Variants in RIMS1 observed in about 807,000 individuals in gnomAD.
The protein encoded by RIMS1 is regulating synaptic membrane exocytosis protein 1.
Under a neutral mutation model 214.1 loss-of-function variants are expected in RIMS1, and 83 were observed. The observed-to-expected ratio is 0.39, with a 90% CI of 0.32 to 0.47. The LOEUF is 0.47. Ranked by LOEUF, RIMS1 falls within the 20% of genes least tolerant of loss-of-function variation. The pLI is 0.99. For synonymous variants in RIMS1, 793 were observed against 786.8 expected, an observed-to-expected ratio of 1.01 and a Z score of -0.13; for missense variants, 2,050 against 2,161.8, an observed-to-expected ratio of 0.95 and a Z score of 1.03.
chr6:72,203,767 C>CT (rs2052445659), intron 6 of RIMS1, among the ~76,000 whole-genome samples: 1 of 152,184 alleles, frequency 6.6e-6, no homozygotes, highest in African/African-American at 2.4e-5. Context: ...GTTGCAATCA[C>CT]TTGAGGGAGG....
chr6:71,899,701 A>G (rs968979257), intron 1 of RIMS1, among the ~76,000 whole-genome samples: 2 of 152,136 alleles, frequency 1.3e-5, no homozygotes, highest in African/African-American at 4.8e-5. Context: ...TGTGGATTTT[A>G]TGGCAGTGGC....
intron 26 of RIMS1, among the ~76,000 whole-genome samples, chr6:72,305,000 A>G (rs1386506292): frequency 6.6e-6 from 1 of 151,876 alleles, no homozygotes; most frequent in Non-Finnish European, 1.5e-5. Flanking sequence ...TTTTAACTTC[A>G]TTGGGAGTAA....
At position 71,924,630 on chromosome 6, in the gene RIMS1, C is replaced by CAAAAAAAAAAA. The variant is rs1250868988; in HGVS notation, c.164+37451_164+37461dup. 6.6e-5 allele frequency among the ~76,000 whole-genome samples: 5 copies of CAAAAAAAAAAA among 76,230 alleles called. 1 individual carries two copies. Among genetic ancestry groups the CAAAAAAAAAAA allele is most frequent in the African/African-American group, 2.7e-4 (5 of 18,272 alleles). The allele number at this position is 76,230 out of a possible 152,430, so 50.0% of individuals were successfully genotyped here. A position where few individuals can be genotyped will look rare whatever the true frequency, so the allele number is the denominator to read the frequency against. ...CCAACACAGCAAAACCCCATCTCTG[C>CAAAAAAAAAAA]AAAAAAAAAAAAAAAAAATGCAGAA... On this transcript the variant is annotated intron_variant, in intron 1 of 33. Transcript: ENST00000521978.
intron 1 of RIMS1, among the ~76,000 whole-genome samples, chr6:71,915,578 T>A (rs1452933823): frequency 2.6e-5 from 4 of 152,126 alleles, no homozygotes; most frequent in African/African-American, 4.8e-5. Flanking sequence ...ACTAAGAATG[T>A]CAGGGAGATA....
At chr6:72,274,922 A>G (rs1376174289) in intron 23 of RIMS1, among the ~76,000 whole-genome samples, 2 of 151,642 alleles carry the variant, frequency 1.3e-5, no homozygotes, top group Non-Finnish European at 2.9e-5. Context: ...CCTGGTTTTT[A>G]TATATTTTAT....
intron 9 of RIMS1, among the ~76,000 whole-genome samples, chr6:72,240,524 A>G (rs2066304601): frequency 6.6e-6 from 1 of 151,318 alleles, no homozygotes; most frequent in East Asian, 1.9e-4. Flanking sequence ...ATACATGTTC[A>G]TATTATATGT....
intron 2 of RIMS1, among the ~76,000 whole-genome samples, chr6:72,040,961 G>C (rs765948683): frequency 1.3e-5 from 2 of 151,770 alleles, no homozygotes; most frequent in African/African-American, 4.8e-5. Context: ...TCTGGCGATC[G>C]TTTCAGATGT....
At chr6:72,230,167 C>G (rs1175949610) in intron 6 of RIMS1, among the ~76,000 whole-genome samples, 1 of 151,688 alleles carries the variant, frequency 6.6e-6, no homozygotes, top group Non-Finnish European at 1.5e-5. Flanking sequence ...CTAGAAAGAA[C>G]AATCTCTTTT....
At chr6:71,898,450 T>C (rs1388694030) in intron 1 of RIMS1, among the ~76,000 whole-genome samples, 1 of 152,178 alleles carries the variant, frequency 6.6e-6, no homozygotes, top group Non-Finnish European at 1.5e-5. Context: ...AACCCATACA[T>C]AATAGGCCTC....
chr6:71,892,387 C>T (rs1251957627), intron 1 of RIMS1, among the ~76,000 whole-genome samples: 2 of 152,166 alleles, frequency 1.3e-5, no homozygotes, highest in Non-Finnish European at 2.9e-5. Flanking sequence ...TGGCATCTTC[C>T]TGACCCTTTG....
rs142520949 is a variant in RIMS1 at position 72,277,983 on chromosome 6, G to A, written c.3482+3551G>A. 3.4e-3 allele frequency among the ~76,000 whole-genome samples: 523 copies of A among 152,180 alleles called. 18 individuals carry two copies. In the South Asian group the frequency reaches 0.053, roughly 16 times the overall value. On this transcript the variant is annotated intron_variant, in intron 23 of 33. Coordinates refer to ENST00000521978, the MANE Select transcript of RIMS1 (RefSeq NM_014989.7). Reference sequence around the variant, plus strand: ...AATCAATCGTCTTTAAGAATGAAAGGCTAGTGTAAGTTATTATTAAATAAA... The same window carrying A: ...AATCAATCGTCTTTAAGAATGAAAGACTAGTGTAAGTTATTATTAAATAAA...
intron 2 of RIMS1, among the ~76,000 whole-genome samples, chr6:72,058,080 G>C (rs1826835501): frequency 6.6e-6 from 1 of 152,228 alleles, no homozygotes; most frequent in Admixed American, 6.5e-5. Context: ...TGATTCACCT[G>C]AAGGTGGATA....
At chr6:72,210,383 C>A (rs977208441) in intron 6 of RIMS1, among the ~76,000 whole-genome samples, 2 of 152,116 alleles carry the variant, frequency 1.3e-5, no homozygotes, top group Non-Finnish European at 2.9e-5. Context: ...TGGTAACGTG[C>A]CTTGTTATTT....
chr6:72,060,650 T>C (rs1053050223), intron 2 of RIMS1, among the ~76,000 whole-genome samples: 1 of 152,212 alleles, frequency 6.6e-6, no homozygotes, highest in African/African-American at 2.4e-5. Context: ...TGGGTACAAA[T>C]ACCAAAGCCA....
chr6:72,281,116 G>A (rs1322274841), intron 23 of RIMS1, among the ~76,000 whole-genome samples: 1 of 152,060 alleles, frequency 6.6e-6, no homozygotes, highest in Non-Finnish European at 1.5e-5. Flanking sequence ...GATACAACAT[G>A]ATTACTGTTG....
intron 1 of RIMS1, among the ~76,000 whole-genome samples, chr6:71,952,571 T>G (rs1435252939): frequency 6.6e-6 from 1 of 152,190 alleles, no homozygotes; most frequent in Non-Finnish European, 1.5e-5. Context: ...AGAGCAGCCC[T>G]AGGGCAGGTT....
intron 1 of RIMS1, among the ~76,000 whole-genome samples, chr6:71,964,005 C>T (rs1246915403): frequency 6.6e-6 from 1 of 152,026 alleles, no homozygotes; most frequent in African/African-American, 2.4e-5. Context: ...TTGAGTAGTT[C>T]GTATTTCAGC....
chr6:72,321,786 G>T (rs142709693), intron 28 of RIMS1, among the ~76,000 whole-genome samples: 3 of 151,784 alleles, frequency 2.0e-5, no homozygotes, highest in Admixed American at 2.0e-4. Flanking sequence ...AGATTTTTTT[G>T]TTCCCTCTAC....
intron 26 of RIMS1, among the ~76,000 whole-genome samples, chr6:72,306,141 CA>C (rs2095136247): frequency 6.6e-6 from 1 of 152,036 alleles, no homozygotes; most frequent in Admixed American, 6.6e-5. Flanking sequence ...GCAGCCAAGT[CA>C]ATCAAACATA....
Sources: allele counts gnomAD v4.1 joint callset (sites outside exome capture counted in the v4.1 genomes callset), GRCh38; gene constraint gnomAD v4.1.1; transcripts MANE v1.5; gene names NCBI Gene and HGNC (gene_info 2026-07-23, HGNC 2026-07-21).